LIMA1: variants seen among roughly 807,000 people sequenced by gnomAD.
LIMA1 encodes LIM domain and actin-binding protein 1.
LIMA1 carries 52 observed loss-of-function variants against 62.6 expected under a neutral mutation model. That is an observed-to-expected ratio of 0.83 (90% CI 0.67 to 1.05). LIMA1 has a LOEUF of 1.05. Among genes scored for constraint, LIMA1 ranks in the 50% least tolerant of loss-of-function variants. The probability of loss-of-function intolerance (pLI) is 0.00; values close to 1 mark genes in which losing one functional copy is unlikely to be tolerated. For missense variants in LIMA1, 780 were observed against 902.2 expected (o/e 0.86, Z 1.74); for synonymous variants, 302 against 317.8 (o/e 0.95, Z 0.53).
intron 1 of LIMA1, among the ~76,000 whole-genome samples, chr12:50,253,929 G>A (rs1487363254): frequency 2.0e-5 from 3 of 150,808 alleles, no homozygotes; most frequent in African/African-American, 4.9e-5. Context: ...TTGGGAGGCT[G>A]AGGCAGGACA....
intron 3 of LIMA1, among the ~76,000 whole-genome samples, chr12:50,227,239 T>TTC (rs1211996603): frequency 1.7e-4 from 14 of 80,948 alleles, no homozygotes; most frequent in Non-Finnish European, 2.9e-4. Context: ...TTTCTTTTCT[T>TTC]TTTTTTTTTT....
chr12:50,258,809 G>A (rs1463630024), intron 1 of LIMA1, among the ~76,000 whole-genome samples: 9 of 151,746 alleles, frequency 5.9e-5, no homozygotes, highest in African/African-American at 1.7e-4. Flanking sequence ...CACCACACCC[G>A]AGTAATTTTT....
intron 3 of LIMA1, among the ~76,000 whole-genome samples, chr12:50,224,825 G>A (rs1299277116): frequency 6.6e-6 from 1 of 151,772 alleles, no homozygotes; most frequent in African/African-American, 2.4e-5. Flanking sequence ...TTGACTTCCT[G>A]GGCTCAAGTG....
chr12:50,241,363 A>G (rs781759263), intron 2 of LIMA1, among the ~76,000 whole-genome samples: 3 of 152,174 alleles, frequency 2.0e-5, no homozygotes, highest in Non-Finnish European at 2.9e-5. Context: ...ACTAGAACCA[A>G]TTGGCAGACA....
chr12:50,204,402 C>T (rs910176160), intron 6 of LIMA1, 150 bp downstream of exon 6: 2 of 860,228 alleles, frequency 2.3e-6, no homozygotes, highest in Admixed American at 3.2e-5. Context: ...AACTGCAAAT[C>T]CAGCGAGGGT....
At chr12:50,194,677 G>A (rs575698257) in intron 8 of LIMA1, among the ~76,000 whole-genome samples, 124 of 152,310 alleles carry the variant, frequency 8.1e-4, no homozygotes, top group African/African-American at 2.7e-3. Flanking sequence ...TGCGGTGGTA[G>A]GACTGCTTGA....
chr12:50,207,206 T>C (rs1178049723), intron 4 of LIMA1, among the ~76,000 whole-genome samples: 1 of 152,228 alleles, frequency 6.6e-6, no homozygotes, highest in African/African-American at 2.4e-5. Flanking sequence ...ATTACAAGCT[T>C]GAGCCACTGC....
intron 9 of LIMA1, among the ~76,000 whole-genome samples, chr12:50,183,717 A>C (rs959790801): frequency 2.8e-5 from 4 of 144,536 alleles, no homozygotes; most frequent in African/African-American, 1.0e-4. Flanking sequence ...AGGCTGAGGC[A>C]GGAGAATCGC....
intron 9 of LIMA1, chr12:50,190,107 T>A (rs1310509636): frequency 1.4e-5 from 2 of 147,456 alleles, no homozygotes; most frequent in African/African-American, 5.0e-5. Flanking sequence ...AACCTCTGCT[T>A]CCCGGGTTCA....
chr12:50,185,264 C>G (rs915981205), intron 9 of LIMA1: 7 of 413,660 alleles, frequency 1.7e-5, no homozygotes, highest in African/African-American at 4.1e-5. Context: ...TAAAGGGGAA[C>G]TGAAGGACGC....
intron 1 of LIMA1, among the ~76,000 whole-genome samples, chr12:50,267,439 A>G (rs191916680): frequency 6.7e-6 from 1 of 149,820 alleles, no homozygotes; most frequent in Non-Finnish European, 1.5e-5. Flanking sequence ...CTGGTCTCGA[A>G]CTTCTGACCT....
chr12:50,259,324 T>C (rs1942037144), intron 1 of LIMA1, among the ~76,000 whole-genome samples: 1 of 152,092 alleles, frequency 6.6e-6, no homozygotes, highest in East Asian at 1.9e-4. Context: ...TCCTACTCAA[T>C]AGCAAGATAT....
At chr12:50,230,863 C>T (rs950622883) in intron 3 of LIMA1, among the ~76,000 whole-genome samples, 3 of 152,224 alleles carry the variant, frequency 2.0e-5, no homozygotes, top group Non-Finnish European at 2.9e-5. Context: ...AGGCGTGAGC[C>T]ACCGCACCCG....
intron 4 of LIMA1, among the ~76,000 whole-genome samples, chr12:50,207,023 C>A (rs1318951685): frequency 6.6e-6 from 1 of 152,022 alleles, no homozygotes; most frequent in Non-Finnish European, 1.5e-5. Flanking sequence ...CTCCCAGGTT[C>A]AAGTGATTCT....
At chr12:50,279,697 G>A (rs1035064218) in intron 1 of LIMA1, among the ~76,000 whole-genome samples, 19 of 152,146 alleles carry the variant, frequency 1.2e-4, no homozygotes, top group Admixed American at 3.9e-4. Flanking sequence ...TGTTCACTTG[G>A]TCAGTTATTG....
intron 9 of LIMA1, 67 bp from the exon 10 acceptor site, chr12:50,182,104 C>G: frequency 6.4e-7 from 1 of 1,568,046 alleles, no homozygotes; most frequent in Non-Finnish European, 8.7e-7. Flanking sequence ...GAGATGGACC[C>G]TAGAATTTAC....
chr12:50,222,693 G>A (rs1238187079), intron 3 of LIMA1: 8 of 1,480,916 alleles, frequency 5.4e-6, no homozygotes, highest in Non-Finnish European at 6.3e-6. Context: ...AAACTCAGGA[G>A]CTGAAGCAGG....
chr12:50,193,664 A>ATTT (rs1565833501), intron 8 of LIMA1, among the ~76,000 whole-genome samples: 7 of 61,760 alleles, frequency 1.1e-4, no homozygotes, highest in South Asian at 1.1e-3. Context: ...ATATATATAT[A>ATTT]TATTTTTTTT....
chr12:50,278,665 A>G (rs1942302424), intron 1 of LIMA1, among the ~76,000 whole-genome samples: 1 of 152,226 alleles, frequency 6.6e-6, no homozygotes, highest in Admixed American at 6.5e-5. Context: ...AATTGTTTTC[A>G]TTTAATGTAA....
Sources: allele counts gnomAD v4.1 joint callset (sites outside exome capture counted in the v4.1 genomes callset), GRCh38; gene constraint gnomAD v4.1.1; transcripts MANE v1.5; gene names NCBI Gene and HGNC (gene_info 2026-07-23, HGNC 2026-07-21).